Variants in MEIG1 observed in about 807,000 individuals in gnomAD.
MEIG1 encodes the protein meiosis/spermiogenesis associated 1, also known as meiosis expressed gene 1 protein homolog.
MEIG1 carries 12 observed loss-of-function variants against 11.3 expected under a neutral mutation model. The observed-to-expected ratio is 1.07, with a 90% CI of 0.68 to 1.73. The LOEUF is 1.73. Ranked by LOEUF, MEIG1 falls within the 40% of genes most tolerant of loss-of-function variation. The pLI is 0.00. For synonymous variants in MEIG1, 41 were observed against 33.2 expected (o/e 1.24, Z -0.81); for missense variants, 119 against 104.9 (o/e 1.13, Z -0.59).
At chr10:14,984,390 A>T (rs767515375) in intron 1 of MEIG1, among the ~76,000 whole-genome samples, 8 of 152,066 alleles carry the variant, frequency 5.3e-5, no homozygotes, top group Middle Eastern at 6.3e-3. Flanking sequence ...ACACCCTGCG[A>T]TATTATTCGT....
chr10:14,965,638 C>T (rs566828330), intron 1 of MEIG1, among the ~76,000 whole-genome samples: 5 of 147,982 alleles, frequency 3.4e-5, no homozygotes, highest in Admixed American at 6.8e-5. Context: ...AACAAGAAAG[C>T]GAACAGAGTG....
upstream of MEIG1, among the ~76,000 whole-genome samples, chr10:14,956,463 T>G (rs1015914647): frequency 1.3e-5 from 2 of 151,260 alleles, no homozygotes; most frequent in Admixed American, 6.6e-5. Context: ...GGGCCTGTAA[T>G]CCCAGCTACT....
At position 14,966,518 on chromosome 10, in the gene MEIG1, G is replaced by A. The variant is rs1188024868; in HGVS notation, c.50G>A (p.Trp17Ter). Residue 17 changes from tryptophan to a stop codon, truncating the protein, a stop_gained, in exon 2 of 3, where the codon TGG becomes TAG. Transcript: ENST00000407572. LOFTEE classifies it high-confidence loss of function. ...AAATCAGTAAGTCATGCCAAAAAAT[G>A]GTCAGAAGAGATAGAAAATCTGTAC... Reference protein sequence around the residue: ...KPKSVSHAKKWSEEIENLYRF... With the variant: ...KPKSVSHAKK 6.2e-7 allele frequency: 1 copy of A among 1,612,580 alleles called. No individual in the cohort carries two copies. The highest frequency in any genetic ancestry group is 8.5e-7 in the Non-Finnish European group (1 of 1,179,280).
chr10:14,986,500 A>T (rs1344221278), intron 1 of MEIG1, among the ~76,000 whole-genome samples: 1 of 152,218 alleles, frequency 6.6e-6, no homozygotes, highest in Non-Finnish European at 1.5e-5. Context: ...CACTTATTCC[A>T]TCTTTCTGTA....
At chr10:14,959,353 G>A (rs1842983605), upstream of MEIG1, 1 of 152,452 alleles carries the variant, frequency 6.6e-6, no homozygotes, top group East Asian at 1.9e-4. Context: ...GGCGGGGCCT[G>A]AAGGAGCCGG....
At chr10:14,957,332 CTG>C (rs561997738), upstream of MEIG1, among the ~76,000 whole-genome samples, 920 of 152,334 alleles carry the variant, frequency 6.0e-3, 3 homozygotes, top group Admixed American at 0.012. Context: ...CTTTTAGACA[CTG>C]TGCTCTCTGA....
intron 2 of MEIG1, 131 bp from the exon 3 acceptor site, chr10:14,972,382 G>T: frequency 8.4e-7 from 1 of 1,194,180 alleles, no homozygotes; most frequent in South Asian, 1.4e-5. Flanking sequence ...TACTTTAAAA[G>T]CTCAAGCATT....
intron 2 of MEIG1, chr10:14,970,368 C>A (rs893147078): frequency 6.6e-6 from 1 of 152,248 alleles, no homozygotes; most frequent in Non-Finnish European, 1.5e-5. Context: ...AGCAAAGGAG[C>A]AACTTAGCTG....
chr10:14,963,328 C>T (rs538907077), intron 1 of MEIG1, among the ~76,000 whole-genome samples: 16 of 152,112 alleles, frequency 1.1e-4, no homozygotes, highest in African/African-American at 3.6e-4. Flanking sequence ...CTCCCGACCT[C>T]AGGTGATCCA....
upstream of MEIG1, chr10:14,954,405 C>G (rs41304288): frequency 1.0e-3 from 349 of 334,914 alleles, 2 homozygotes; most frequent in African/African-American, 6.9e-3. Flanking sequence ...GGCTGCGGAA[C>G]TGCGCTTAGA....
chr10:14,977,119 G>C (rs554963392), downstream of MEIG1, among the ~76,000 whole-genome samples: 109 of 152,112 alleles, frequency 7.2e-4, no homozygotes, highest in African/African-American at 2.5e-3. Flanking sequence ...ATTGTAGAAA[G>C]ATGTTACTCC....
At chr10:14,975,930 A>G (rs747386678), downstream of MEIG1, among the ~76,000 whole-genome samples, 19 of 152,288 alleles carry the variant, frequency 1.2e-4, 1 homozygote, top group Admixed American at 1.2e-3. Flanking sequence ...ATTACTGCAA[A>G]TAGTACAGAG....
intron 1 of MEIG1, among the ~76,000 whole-genome samples, chr10:14,960,352 G>A (rs1842997943): frequency 6.6e-6 from 1 of 152,194 alleles, no homozygotes. Context: ...TGGGTGGCTG[G>A]CTACATCAGA....
chr10:14,961,136 C>G (rs1368326307), intron 1 of MEIG1, among the ~76,000 whole-genome samples: 3 of 152,174 alleles, frequency 2.0e-5, no homozygotes, highest in Non-Finnish European at 2.9e-5. Context: ...ATGCACCTAG[C>G]CAACTTTAAA....
At chr10:14,957,997 A>G (rs935863820), upstream of MEIG1, among the ~76,000 whole-genome samples, 5 of 152,194 alleles carry the variant, frequency 3.3e-5, no homozygotes, top group Admixed American at 1.3e-4. Flanking sequence ...ACAACAGACT[A>G]CAGAGGGGGC....
At chr10:14,970,342 T>C (rs1354775036) in intron 2 of MEIG1, 2 of 152,110 alleles carry the variant, frequency 1.3e-5, no homozygotes, top group African/African-American at 4.8e-5. Flanking sequence ...AAAGGAAAAA[T>C]GTCTAGAAGT....
intron 2 of MEIG1, among the ~76,000 whole-genome samples, chr10:14,967,614 T>C (rs1843101847): frequency 6.6e-6 from 1 of 151,862 alleles, no homozygotes; most frequent in African/African-American, 2.4e-5. Flanking sequence ...AAGTGATTCT[T>C]AAGAGACGTG....
At chr10:14,986,702 T>C (rs1891330) in intron 1 of MEIG1, 221,903 of 280,904 alleles carry the variant, frequency 0.79, 88,893 homozygotes, top group African/African-American at 0.95. Flanking sequence ...CTCCGCCTCC[T>C]GAGTTCAAGC....
At chr10:14,983,332 G>A (rs767630490) in intron 1 of MEIG1, among the ~76,000 whole-genome samples, 1 of 151,924 alleles carries the variant, frequency 6.6e-6, no homozygotes, top group Non-Finnish European at 1.5e-5. Flanking sequence ...CTGTGACATC[G>A]TTCCTAATAT....
Sources: allele counts gnomAD v4.1 joint callset (sites outside exome capture counted in the v4.1 genomes callset), GRCh38; gene constraint gnomAD v4.1.1; transcripts MANE v1.5; gene names NCBI Gene and HGNC (gene_info 2026-07-23, HGNC 2026-07-21).